Variants in PDZRN4 observed in about 807,000 individuals in gnomAD.
The protein encoded by PDZRN4 is PDZ domain-containing RING finger protein 4.
In PDZRN4, 70 loss-of-function variants were observed where a neutral mutation model predicts 99.0. The ratio of observed to expected loss-of-function variants is 0.71; its 90% CI spans 0.58 to 0.86. The LOEUF (loss-of-function observed/expected upper bound fraction) is 0.86, where lower values mean the gene tolerates loss of function less well. Ranked by LOEUF, PDZRN4 falls within the 40% of genes least tolerant of loss-of-function variation. The pLI, the probability that PDZRN4 is intolerant of heterozygous loss-of-function variation, is 0.00. For synonymous variants in PDZRN4, 551 were observed against 501.6 expected (o/e 1.10, Z -1.32); for missense variants, 1,474 against 1,331.2 (o/e 1.11, Z -1.67).
At chr12:41,232,132 A>G (rs1190268870) in intron 3 of PDZRN4, among the ~76,000 whole-genome samples, 1 of 152,036 alleles carries the variant, frequency 6.6e-6, no homozygotes, top group East Asian at 1.9e-4. Flanking sequence ...AAGCAGTGGA[A>G]CCACTGAGAT....
At position 41,551,493 on chromosome 12, in the gene PDZRN4, C is replaced by G. The variant is rs11180997; in HGVS notation, c.1204-1163C>G. Among the ~76,000 whole-genome samples, 1,160 of 152,198 alleles carry G rather than the reference C, an allele frequency of 7.6e-3. 54 individuals carry two copies. In the East Asian group the frequency reaches 0.14, roughly 18 times the overall value. On this transcript the variant is annotated intron_variant, in intron 5 of 9. Transcript: ENST00000402685. ...TTTCCAATCAAAGAGGAAAGACTAC[C>G]TACCTATGGTTTTACAAAAATCTCT...
intron 9 of PDZRN4, among the ~76,000 whole-genome samples, chr12:41,571,902 G>T (rs1939488614): frequency 6.6e-6 from 1 of 152,182 alleles, no homozygotes; most frequent in Non-Finnish European, 1.5e-5. Context: ...CTAAGCCAGT[G>T]AAGTTTCCTC....
chr12:41,484,088 T>C (rs1056093373), intron 3 of PDZRN4, among the ~76,000 whole-genome samples: 5 of 152,162 alleles, frequency 3.3e-5, no homozygotes, highest in African/African-American at 1.2e-4. Flanking sequence ...CTAATAAAGT[T>C]TATCAACTTG....
chr12:41,297,016 T>C (rs1018036742), intron 3 of PDZRN4, among the ~76,000 whole-genome samples: 1 of 152,088 alleles, frequency 6.6e-6, no homozygotes, highest in Non-Finnish European at 1.5e-5. Flanking sequence ...CAGTTAATAG[T>C]GTAAAAAAGA....
At chr12:41,261,711 G>T (rs1342841013) in intron 3 of PDZRN4, among the ~76,000 whole-genome samples, 1 of 152,078 alleles carries the variant, frequency 6.6e-6, no homozygotes, top group African/African-American at 2.4e-5. Context: ...GGATGGTCTC[G>T]ATCTCCTGAC....
chr12:41,208,649 TA>T (rs1282073404), intron 3 of PDZRN4, among the ~76,000 whole-genome samples: 8 of 152,016 alleles, frequency 5.3e-5, no homozygotes, highest in East Asian at 3.9e-4. Context: ...AAGAAGAATA[TA>T]TTTTTTTTGT....
At chr12:41,427,075 A>C (rs146237027) in intron 3 of PDZRN4, among the ~76,000 whole-genome samples, 139 of 152,280 alleles carry the variant, frequency 9.1e-4, no homozygotes, top group African/African-American at 3.3e-3. Context: ...TGGATGGTCC[A>C]TGTCTTAGCC....
intron 3 of PDZRN4, among the ~76,000 whole-genome samples, chr12:41,315,213 A>C (rs527419621): frequency 1.3e-5 from 2 of 152,306 alleles, no homozygotes; most frequent in South Asian, 4.1e-4. Flanking sequence ...TATGAACTCT[A>C]CTTGTCCTTG....
intron 3 of PDZRN4, among the ~76,000 whole-genome samples, chr12:41,464,026 G>A (rs773424469): frequency 1.3e-5 from 2 of 152,130 alleles, no homozygotes; most frequent in South Asian, 4.1e-4. Context: ...GGCTTCCATC[G>A]TGAGTCTATT....
Position 41,191,768 on chromosome 12 carries a change from A to G in PDZRN4, c.735+224A>G, listed in dbSNP as rs1404715027. 3.0e-3 allele frequency among the ~76,000 whole-genome samples: 285 copies of G among 93,858 alleles called. 2 individuals carry two copies. The highest frequency in any genetic ancestry group is 0.011 in the African/African-American group (276 of 25,074). 61.6% of individuals were successfully genotyped at this position (93,858 alleles called of 152,430 possible). A position where few individuals can be genotyped will look rare whatever the true frequency, so the allele number is the denominator to read the frequency against. ...ATTTTATTTATTTATTTATTTATTT[A>G]TTTATTTATTTATTTATTTTGTTTG... On this transcript the variant is annotated intron_variant, in intron 2 of 9. Coordinates refer to ENST00000402685, the MANE Select transcript of PDZRN4 (RefSeq NM_001164595.2).
intron 5 of PDZRN4, among the ~76,000 whole-genome samples, chr12:41,537,557 G>A (rs1206909439): frequency 6.6e-6 from 1 of 152,110 alleles, no homozygotes; most frequent in Non-Finnish European, 1.5e-5. Flanking sequence ...CAGATTTGGG[G>A]GAAATGTTGT....
intron 3 of PDZRN4, among the ~76,000 whole-genome samples, chr12:41,255,154 G>A (rs936058023): frequency 2.0e-5 from 3 of 152,142 alleles, no homozygotes; most frequent in Non-Finnish European, 2.9e-5. Context: ...GGGAAATCTA[G>A]GGGACAGAGT....
chr12:41,328,561 T>C (rs73124816), intron 3 of PDZRN4, among the ~76,000 whole-genome samples: 2,381 of 152,244 alleles, frequency 0.016, 28 homozygotes, highest in Middle Eastern at 0.041. Flanking sequence ...TTTGGCAGGT[T>C]TGTTTATAAA....
At chr12:41,451,648 C>T (rs1044741998) in intron 3 of PDZRN4, among the ~76,000 whole-genome samples, 1 of 152,132 alleles carries the variant, frequency 6.6e-6, no homozygotes, top group East Asian at 1.9e-4. Context: ...ATTGCCTTCT[C>T]GCAATTTCTA....
chr12:41,482,573 T>C (rs1028357515), intron 3 of PDZRN4, among the ~76,000 whole-genome samples: 9 of 152,132 alleles, frequency 5.9e-5, no homozygotes, highest in African/African-American at 1.7e-4. Flanking sequence ...AAAAGTCCTG[T>C]AAGATTAATA....
chr12:41,408,287 T>C (rs1214385591), intron 3 of PDZRN4, among the ~76,000 whole-genome samples: 1 of 152,244 alleles, frequency 6.6e-6, no homozygotes, highest in Non-Finnish European at 1.5e-5. Flanking sequence ...GAAAAGCTTA[T>C]TGTTTTTAAT....
intron 3 of PDZRN4, among the ~76,000 whole-genome samples, chr12:41,332,407 G>T (rs1951745824): frequency 6.6e-6 from 1 of 152,056 alleles, no homozygotes. Flanking sequence ...ATGGAATCAA[G>T]AAGAGAGGAG....
chr12:41,232,469 A>G (rs1361294785), intron 3 of PDZRN4, among the ~76,000 whole-genome samples: 1 of 152,074 alleles, frequency 6.6e-6, no homozygotes, highest in Non-Finnish European at 1.5e-5. Flanking sequence ...TTGGCAGCTC[A>G]TTGTGAAATT....
intron 3 of PDZRN4, among the ~76,000 whole-genome samples, chr12:41,262,212 A>G (rs1298324896): frequency 6.6e-6 from 1 of 152,214 alleles, no homozygotes; most frequent in African/African-American, 2.4e-5. Context: ...TTGATGATAC[A>G]GTGCTGTAAC....
Sources: allele counts gnomAD v4.1 joint callset (sites outside exome capture counted in the v4.1 genomes callset), GRCh38; gene constraint gnomAD v4.1.1; transcripts MANE v1.5; gene names NCBI Gene and HGNC (gene_info 2026-07-23, HGNC 2026-07-21).